The following OPCML variants were observed in gnomAD, a reference collection of about 807,000 sequenced individuals.
OPCML encodes the protein opioid binding protein/cell adhesion molecule like.
A neutral mutation model predicts 37.8 loss-of-function variants in OPCML; 13 were observed. The ratio of observed to expected loss-of-function variants is 0.34; its 90% CI spans 0.22 to 0.55. The LOEUF is 0.55. OPCML is among the 20% of genes least tolerant of loss of function. The probability of loss-of-function intolerance (pLI) is 0.91; values close to 1 mark genes in which losing one functional copy is unlikely to be tolerated. For synonymous variants in OPCML, 176 were observed against 168.8 expected (o/e 1.04, Z -0.33); for missense variants, 341 against 435.6 (o/e 0.78, Z 1.93).
chr11:132,457,492 C>T (rs12786853), intron 4 of OPCML, among the ~76,000 whole-genome samples: 4 of 152,140 alleles, frequency 2.6e-5, no homozygotes, highest in African/African-American at 9.7e-5. Flanking sequence ...ATGGATGCTC[C>T]GTCAGTGAAT....
intron 2 of OPCML, among the ~76,000 whole-genome samples, chr11:132,701,524 C>T (rs1239008951): frequency 6.6e-6 from 1 of 152,066 alleles, no homozygotes; most frequent in Non-Finnish European, 1.5e-5. Context: ...CACTTTCAGC[C>T]TATGTTTGTC....
chr11:132,555,157 G>A (rs1022604626), intron 3 of OPCML, among the ~76,000 whole-genome samples: 6 of 152,056 alleles, frequency 3.9e-5, no homozygotes, highest in Non-Finnish European at 1.5e-5. Context: ...ATTTCCTAGA[G>A]AGAAACATGC....
At chr11:133,515,618 A>T (rs1332171506) in intron 1 of OPCML, among the ~76,000 whole-genome samples, 2 of 152,172 alleles carry the variant, frequency 1.3e-5, no homozygotes, top group Non-Finnish European at 2.9e-5. Context: ...CCAAACAGTG[A>T]CTACGCCCCA....
intron 1 of OPCML, among the ~76,000 whole-genome samples, chr11:133,384,938 G>A (rs1945012170): frequency 6.6e-6 from 1 of 152,246 alleles, no homozygotes; most frequent in African/African-American, 2.4e-5. Context: ...CACTGCGTTG[G>A]AGGGGAGGCC....
chr11:133,337,397 C>T (rs962643350), intron 1 of OPCML, among the ~76,000 whole-genome samples: 2 of 152,182 alleles, frequency 1.3e-5, no homozygotes, highest in African/African-American at 4.8e-5. Flanking sequence ...GAGGAACAAT[C>T]GCCCAGTTGC....
At chr11:132,425,174 C>A (rs1004677907) in intron 7 of OPCML, among the ~76,000 whole-genome samples, 1 of 152,220 alleles carries the variant, frequency 6.6e-6, no homozygotes, top group Non-Finnish European at 1.5e-5. Context: ...CAAAGAAAGA[C>A]AGAAACAGTC....
At chr11:132,705,889 C>A (rs1944013381) in intron 2 of OPCML, among the ~76,000 whole-genome samples, 1 of 152,120 alleles carries the variant, frequency 6.6e-6, no homozygotes, top group Admixed American at 6.5e-5. Flanking sequence ...CCCACTGCAA[C>A]CTCCACCTCC....
chr11:133,034,751 CTT>C (rs5795815), intron 1 of OPCML, among the ~76,000 whole-genome samples: 57 of 141,610 alleles, frequency 4.0e-4, no homozygotes, highest in Admixed American at 3.5e-4. Context: ...GTTTTTTTTC[CTT>C]TTTTTTTTTT....
intron 1 of OPCML, among the ~76,000 whole-genome samples, chr11:133,308,930 A>C (rs1943001312): frequency 6.6e-6 from 1 of 152,218 alleles, no homozygotes; most frequent in South Asian, 2.1e-4. Flanking sequence ...AGCAAAGATT[A>C]AAATAACATC....
chr11:132,956,640 C>T (rs1350636450), intron 1 of OPCML, among the ~76,000 whole-genome samples: 1 of 152,178 alleles, frequency 6.6e-6, no homozygotes, highest in African/African-American at 2.4e-5. Flanking sequence ...ACCACCACCA[C>T]ACTTATGTTA....
At chr11:132,569,959 A>C (rs2096433492) in intron 3 of OPCML, among the ~76,000 whole-genome samples, 1 of 152,194 alleles carries the variant, frequency 6.6e-6, no homozygotes, top group South Asian at 2.1e-4. Flanking sequence ...GTGAAAAAAA[A>C]AAACCGAAAA....
At chr11:132,614,621 G>C (rs1365162316) in intron 3 of OPCML, among the ~76,000 whole-genome samples, 2 of 152,120 alleles carry the variant, frequency 1.3e-5, no homozygotes, top group Non-Finnish European at 2.9e-5. Context: ...GAAAACATAG[G>C]GGAATGCCTA....
intron 3 of OPCML, among the ~76,000 whole-genome samples, chr11:132,590,614 A>T (rs1308401621): frequency 1.3e-5 from 2 of 152,206 alleles, no homozygotes; most frequent in African/African-American, 4.8e-5. Context: ...AGTCAAACAG[A>T]TTAGAAAGCT....
At chr11:133,459,877 C>T (rs1330000504) in intron 1 of OPCML, among the ~76,000 whole-genome samples, 5 of 151,986 alleles carry the variant, frequency 3.3e-5, no homozygotes, top group African/African-American at 1.2e-4. Context: ...CTGGACCTGA[C>T]ACACATATAC....
chr11:132,468,915 C>T (rs983810191), intron 4 of OPCML, among the ~76,000 whole-genome samples: 11 of 152,190 alleles, frequency 7.2e-5, no homozygotes, highest in African/African-American at 2.7e-4. Flanking sequence ...ACCCAGATAT[C>T]CCACAGGCAC....
chr11:132,782,863 T>A (rs1340143143), intron 2 of OPCML, among the ~76,000 whole-genome samples: 1 of 147,688 alleles, frequency 6.8e-6, no homozygotes, highest in Non-Finnish European at 1.5e-5. Context: ...TATTTACATA[T>A]ATAATTATAT....
rs185217038 is a variant in OPCML, at chr11:133,090,400, G to T, written c.62-147390C>A. 1.9e-3 allele frequency among the ~76,000 whole-genome samples: 282 copies of T among 152,232 alleles called. 1 individual carries two copies. The highest frequency in any genetic ancestry group is 3.1e-3 in the Non-Finnish European group (210 of 68,030). ...AGCATTGAGACTGATTATGATGAGGGCACAGAAGAAAAGAGCTTTACAGAC... is the reference window on the plus strand; with the variant it reads ...AGCATTGAGACTGATTATGATGAGGTCACAGAAGAAAAGAGCTTTACAGAC... On this transcript the variant is annotated intron_variant, in intron 1 of 7. Coordinates refer to ENST00000524381, the MANE Select transcript of OPCML (RefSeq NM_001012393.5).
intron 1 of OPCML, among the ~76,000 whole-genome samples, chr11:133,106,754 A>G (rs1001648917): frequency 1.3e-5 from 2 of 152,368 alleles, no homozygotes; most frequent in African/African-American, 4.8e-5. Context: ...AGACAAAAAT[A>G]AAAAGTAAAT....
At chr11:132,885,606 G>A (rs984119877) in intron 2 of OPCML, among the ~76,000 whole-genome samples, 3 of 151,926 alleles carry the variant, frequency 2.0e-5, no homozygotes, top group Non-Finnish European at 2.9e-5. Context: ...GGGGTAAAAG[G>A]GCTTTCTCAA....
Sources: gnomAD v4.1 joint callset for allele counts (sites outside exome capture counted in the v4.1 genomes callset) on GRCh38, gnomAD v4.1.1 for gene constraint, MANE v1.5 for transcripts, NCBI Gene and HGNC (gene_info 2026-07-23, HGNC 2026-07-21) for gene names.